The following B3GAT1 variants were observed in gnomAD, a reference collection of about 807,000 sequenced individuals.
B3GAT1 encodes the protein beta-1,3-glucuronyltransferase 1, also known as galactosylgalactosylxylosylprotein 3-beta-glucuronosyltransferase 1.
A neutral mutation model predicts 28.4 loss-of-function variants in B3GAT1; 11 were observed. The ratio of observed to expected loss-of-function variants is 0.39; its 90% CI spans 0.24 to 0.64. The LOEUF (loss-of-function observed/expected upper bound fraction) is 0.64. B3GAT1 is among the 30% of genes least tolerant of loss of function. The pLI is 0.50. For missense variants in B3GAT1, 375 were observed against 491.0 expected (o/e 0.76, Z 2.23); for synonymous variants, 255 against 223.1 (o/e 1.14, Z -1.27).
intron 1 of B3GAT1, chr11:134,392,260 A>AGCACCCG (rs1565454380): frequency 6.6e-6 from 1 of 150,834 alleles, no homozygotes; most frequent in African/African-American, 2.5e-5. Flanking sequence ...GCCAGCACCC[A>AGCACCCG]TGGAACTGAG....
At position 134,411,928 on chromosome 11, in the gene B3GAT1, G is replaced by C. The variant is rs988476288; in HGVS notation, c.-403C>G. On this transcript the variant is annotated 5_prime_UTR_variant, in exon 1 of 6. Coordinates refer to ENST00000312527, the MANE Select transcript of B3GAT1 (RefSeq NM_054025.3). This position sits in a 1 kb window ranked among gnomAD's most constrained non-coding sequence, Gnocchi z 6.0. ...GCGTGCGGCTCCCTCCCCGGGGACT[G>C]TCGGGCTCCGGGCCCCCGGGGGCCA... 6.6e-6 allele frequency: 1 copy of C among 150,484 alleles called. No individual in the cohort carries two copies. Among genetic ancestry groups the C allele is most frequent in the African/African-American group, 2.4e-5 (1 of 41,102 alleles). The allele number at this position is 150,484 out of a possible 1,614,324, so 9.3% of individuals were successfully genotyped here. A position where few individuals can be genotyped will look rare whatever the true frequency, so the allele number is the denominator to read the frequency against.
At chr11:134,394,513 G>C (rs1301438003) in intron 1 of B3GAT1, among the ~76,000 whole-genome samples, 1 of 152,188 alleles carries the variant, frequency 6.6e-6, no homozygotes, top group Non-Finnish European at 1.5e-5. Flanking sequence ...TCCAGGGCCA[G>C]AGCCCCCTGA....
chr11:134,395,894 G>A (rs1565455822), intron 1 of B3GAT1, among the ~76,000 whole-genome samples: 1 of 152,216 alleles, frequency 6.6e-6, no homozygotes, highest in African/African-American at 2.4e-5. Flanking sequence ...TGGCAGGGCT[G>A]TGTCCTCATC....
intron 1 of B3GAT1, among the ~76,000 whole-genome samples, chr11:134,397,165 T>A (rs936149578): frequency 6.6e-6 from 1 of 152,122 alleles, no homozygotes; most frequent in South Asian, 2.1e-4. Flanking sequence ...TAGGGCTCCA[T>A]CCCCTAATCC....
At position 134,411,342 on chromosome 11, in the gene B3GAT1, G is replaced by A. The variant is rs996815854; in HGVS notation, c.-282+465C>T. Among the ~76,000 whole-genome samples the A allele has an allele frequency of 6.6e-6, 1 of 151,994 alleles. No homozygotes were observed. Among genetic ancestry groups the A allele is most frequent in the African/African-American group, 2.4e-5 (1 of 41,382 alleles). On this transcript the variant is annotated intron_variant, in intron 1 of 5. Transcript: ENST00000312527. The surrounding 1 kb of genome is among the most constrained non-coding windows in gnomAD (Gnocchi z 6.0). ...CCCTCAGCGCGCCCCGCAGAGCTCG[G>A]GCCCCCTCAAGAGAGTTAACTTGGC... is the stretch of plus-strand genomic sequence containing the variant.
chr11:134,409,039 G>A (rs983690570), intron 1 of B3GAT1, among the ~76,000 whole-genome samples: 2 of 152,216 alleles, frequency 1.3e-5, no homozygotes, highest in Admixed American at 6.5e-5. Context: ...CCTCATCCTG[G>A]AAGCAAGGGG....
At chr11:134,408,751 A>G (rs1162547396) in intron 1 of B3GAT1, among the ~76,000 whole-genome samples, 2 of 95,404 alleles carry the variant, frequency 2.1e-5, no homozygotes, top group Admixed American at 9.9e-5. Flanking sequence ...GGGAGGTGGG[A>G]CAGCCTGCAC....
At chr11:134,401,843 C>T (rs1023721751) in intron 1 of B3GAT1, among the ~76,000 whole-genome samples, 5 of 152,132 alleles carry the variant, frequency 3.3e-5, no homozygotes, top group East Asian at 1.9e-4. Context: ...GGCTCAGTGG[C>T]GACCAGCCTT....
At chr11:134,402,850 T>G (rs1256077451) in intron 1 of B3GAT1, among the ~76,000 whole-genome samples, 1 of 151,704 alleles carries the variant, frequency 6.6e-6, no homozygotes, top group Non-Finnish European at 1.5e-5. Flanking sequence ...GAGGTGGAGT[T>G]TGCAGTGAGC....
At chr11:134,400,615 A>T (rs116411371) in intron 1 of B3GAT1, among the ~76,000 whole-genome samples, 3,232 of 152,356 alleles carry the variant, frequency 0.021, 60 homozygotes, top group African/African-American at 0.054. Context: ...TGAACTCAAG[A>T]TGGACCAAAG....
intron 3 of B3GAT1, among the ~76,000 whole-genome samples, chr11:134,383,371 A>G (rs1048281740): frequency 6.6e-6 from 1 of 151,978 alleles, no homozygotes; most frequent in Non-Finnish European, 1.5e-5. Context: ...GCGAGCTCCA[A>G]CTGTTCCACC....
intron 1 of B3GAT1, among the ~76,000 whole-genome samples, chr11:134,410,942 A>G (rs1015534919): frequency 7.9e-5 from 12 of 152,210 alleles, no homozygotes; most frequent in Non-Finnish European, 1.3e-4. Context: ...CCCTTCCTGT[A>G]TGTCCAGAGT....
At position 134,387,633 on chromosome 11, in the gene B3GAT1, C is replaced by G; in HGVS notation, c.27G>C (p.Ala9=). 2 of 1,614,138 alleles carry G rather than the reference C, an allele frequency of 1.2e-6. No homozygotes were observed. Among genetic ancestry groups the G allele is most frequent in the Non-Finnish European group, 1.7e-6 (2 of 1,180,026 alleles). Residue 9 remains alanine (A), a synonymous_variant, in exon 2 of 6, where the codon GCG becomes GCC. Coordinates refer to ENST00000312527, the MANE Select transcript of B3GAT1 (RefSeq NM_054025.3). ...TCCAGGGCAGCACGATGAGGACGAT[C>G]GCTAGGATGTCCCGTCTCTTCGGCA... is the stretch of plus-strand genomic sequence containing the variant. The part of the protein sequence containing the change: MPKRRDIL[A]IVLIVLPWTL...
At chr11:134,398,617 C>T (rs1944550431) in intron 1 of B3GAT1, among the ~76,000 whole-genome samples, 1 of 152,208 alleles carries the variant, frequency 6.6e-6, no homozygotes, top group Non-Finnish European at 1.5e-5. Flanking sequence ...TGTCCCAGGT[C>T]CAGATAGAAA....
intron 1 of B3GAT1, among the ~76,000 whole-genome samples, chr11:134,392,566 G>A (rs932327355): frequency 1.3e-5 from 2 of 152,176 alleles, no homozygotes; most frequent in Admixed American, 6.5e-5. Flanking sequence ...GAGACAGGGT[G>A]TCACTATGCT....
At chr11:134,403,391 C>T (rs1944659426) in intron 1 of B3GAT1, among the ~76,000 whole-genome samples, 1 of 152,170 alleles carries the variant, frequency 6.6e-6, no homozygotes, top group Non-Finnish European at 1.5e-5. Flanking sequence ...GTTGCTTGGC[C>T]CCCAGGACCA....
At chr11:134,387,045 CCAGA>C (rs1944304778) in intron 2 of B3GAT1, 3 of 165,694 alleles carry the variant, frequency 1.8e-5, no homozygotes, top group African/African-American at 2.4e-5. Flanking sequence ...CAGGGCGATA[CCAGA>C]CAATTAGAAA....
chr11:134,403,995 A>G (rs1479990420), intron 1 of B3GAT1, among the ~76,000 whole-genome samples: 3 of 72,180 alleles, frequency 4.2e-5, no homozygotes, highest in Non-Finnish European at 8.8e-5. Context: ...ATATATATAT[A>G]TATATATATA....
intron 1 of B3GAT1, among the ~76,000 whole-genome samples, chr11:134,404,021 A>ATG (rs1254476346): frequency 1.7e-5 from 2 of 119,708 alleles, no homozygotes; most frequent in Non-Finnish European, 3.5e-5. Flanking sequence ...ATATATATAT[A>ATG]TATATATATT....
Sources: allele counts gnomAD v4.1 joint callset (sites outside exome capture counted in the v4.1 genomes callset), GRCh38; gene constraint gnomAD v4.1.1; non-coding constraint Gnocchi (gnomAD v3.1); transcripts MANE v1.5; gene names NCBI Gene and HGNC (gene_info 2026-07-23, HGNC 2026-07-21).